Variants in NEB observed in about 807,000 individuals in gnomAD.
NEB encodes the protein nebulin.
Under a neutral mutation model 952.2 loss-of-function variants are expected in NEB, and 512 were observed. The observed-to-expected ratio is 0.54, with a 90% confidence interval of 0.50 to 0.58. The LOEUF (loss-of-function observed/expected upper bound fraction) is 0.58. NEB is among the 20% of genes least tolerant of loss of function. The probability of loss-of-function intolerance (pLI) is 0.00; values close to 1 mark genes in which losing one functional copy is unlikely to be tolerated. For missense variants in NEB, 8,428 were observed against 9,231.1 expected (o/e 0.91, Z 3.56); for synonymous variants, 2,900 against 3,149.8 (o/e 0.92, Z 2.66).
intron 161 of NEB, 69 bp from the exon 162 acceptor site, chr2:151,508,178 AG>A: frequency 9.6e-7 from 1 of 1,040,698 alleles, no homozygotes; most frequent in Non-Finnish European, 1.4e-6. Flanking sequence ...GACCTAAAAT[AG>A]GCTATTTTAG....
At chr2:151,671,344 TCTGA>T (rs2099286715) in intron 37 of NEB, 115 bp from the exon 38 acceptor site, 2 of 812,614 alleles carry the variant, frequency 2.5e-6, no homozygotes, top group Non-Finnish European at 3.9e-6. Flanking sequence ...CATGCTCATG[TCTGA>T]CTGTCTGTCA....
intron 48 of NEB, among the ~76,000 whole-genome samples, chr2:151,657,749 T>G (rs2154153456): frequency 6.6e-6 from 1 of 152,124 alleles, no homozygotes; most frequent in East Asian, 1.9e-4. Flanking sequence ...TCAAAGTAAG[T>G]TTATCTAGAT....
chr2:151,667,440 G>A (rs932916896), intron 40 of NEB, among the ~76,000 whole-genome samples: 8 of 152,070 alleles, frequency 5.3e-5, no homozygotes, highest in South Asian at 4.2e-4. Flanking sequence ...TATAAATAAC[G>A]TAATTGGCAA....
At chr2:151,517,876 A>G (rs2078859689) in intron 156 of NEB, among the ~76,000 whole-genome samples, 1 of 152,244 alleles carries the variant, frequency 6.6e-6, no homozygotes, top group South Asian at 2.1e-4. Flanking sequence ...GACCAAAAAC[A>G]TCATGCGGTA....
chr2:151,534,458 A>C (rs2092650697), intron 142 of NEB: 2 of 690,280 alleles, frequency 2.9e-6, no homozygotes, highest in South Asian at 1.8e-5. Flanking sequence ...CAATAAAAAC[A>C]GGGAAGCAAA....
At chr2:151,696,838 A>T in intron 16 of NEB, 103 bp from the exon 17 acceptor site, 2 of 779,490 alleles carry the variant, frequency 2.6e-6, no homozygotes, top group Non-Finnish European at 4.2e-6. Context: ...AAGCAATGAA[A>T]CTTGTAGTTA....
rs952997359 is a variant in NEB, at chr2:151,505,051, T to C, written c.23742+427A>G. On this transcript the variant is annotated intron_variant, in intron 165 of 181. Coordinates refer to ENST00000397345, the MANE Select transcript of NEB (RefSeq NM_001164508.2). ...ATCCTATCATTCATATGATGTGTCA[T>C]ACATACACACACACATGTTTTATAT... 3.9e-5 allele frequency among the ~76,000 whole-genome samples: 6 copies of C among 152,170 alleles called. No homozygotes were observed. The South Asian group carries it at 8.3e-4, about 21-fold the overall frequency.
intron 168 of NEB, among the ~76,000 whole-genome samples, chr2:151,500,332 C>CCAT (rs1217081325): frequency 6.6e-6 from 1 of 152,000 alleles, no homozygotes; most frequent in Admixed American, 6.6e-5. Context: ...AGAAAAAAAT[C>CCAT]CATCTAAATT....
In NEB at chr2:151,563,925, C is replaced by G. The variant is rs1401069525; in HGVS notation, c.18477G>C (p.Leu6159=). 1.9e-6 allele frequency: 3 copies of G among 1,603,136 alleles called. No homozygotes were observed. In the East Asian group the frequency reaches 6.8e-5, roughly 36 times the overall value. Reference sequence around the variant, plus strand: ...TGGTGCCCTCCCACGCCCCTTTATACAGTATCTAGAACAAAGAAATACATG... The same window carrying G: ...TGGTGCCCTCCCACGCCCCTTTATAGAGTATCTAGAACAAAGAAATACATG... ...KDMGKLYSTI[L]YKGAWEGTKA... is the part of the protein sequence containing the mutation. The change falls in exon 118 of 182, where the codon CTG becomes CTC. Residue 6159 remains leucine, a synonymous_variant. Transcript: ENST00000397345.
chr2:151,721,467 C>T (rs1350326633), intron 9 of NEB, among the ~76,000 whole-genome samples: 1 of 152,194 alleles, frequency 6.6e-6, no homozygotes, highest in Non-Finnish European at 1.5e-5. Context: ...TCCCTCTACT[C>T]AAAATGCCTT....
chr2:151,497,588 A>G lies in NEB; in HGVS notation c.24300+38T>C, dbSNP rs775582829. ...TTAAATCATGAAAGTTTTCAAAATC[A>G]TTAAATAAGTAGTTTTTTTCTTTTC... On this transcript the variant is annotated intron_variant, in intron 171 of 181. Transcript: ENST00000397345. The G allele has an allele frequency of 8.4e-6, 13 of 1,542,222 alleles. No individual in the cohort carries two copies. In the South Asian group the frequency reaches 1.2e-4, roughly 14 times the overall value.
chr2:151,614,344 C>G lies in NEB; in HGVS notation c.11533G>C (p.Glu3845Gln), dbSNP rs755390933. ...SDIDYKHPLH[E>Q]WTCLPDQNDV... ...TTCTGATCAGGCAGGCAGGTCCATT[C>G]ATGCAGGGGATGCTTGTAGTCTATG... The change falls in exon 77 of 182, where the codon GAA becomes CAA. Residue 3845 changes from glutamate (E) to glutamine (Q), a missense_variant. Transcript: ENST00000397345. 6.8e-6 allele frequency: 11 copies of G among 1,613,816 alleles called. No individual in the cohort carries two copies. In the East Asian group the frequency reaches 1.3e-4, roughly 20 times the overall value.
rs201529683 is a variant in NEB at position 151,563,914 on chromosome 2, G to A, written c.18488C>T (p.Ala6163Val). ...GCCATAGGCCTTGGTGCCCTCCCAC[G>A]CCCCTTTATACAGTATCTAGAACAA... The part of the protein sequence containing the change: ...KLYSTILYKG[A>V]WEGTKAYGYT... Residue 6163 changes from alanine to valine, a missense_variant, in exon 118 of 182, where the codon GCG becomes GTG. Ala to Val is a moderately conservative substitution (Grantham distance 64). This residue lies in a region of NEB where 3,374 missense variants were observed against 3,651.5 expected (regional missense o/e 0.92). Coordinates refer to ENST00000397345, the MANE Select transcript of NEB (RefSeq NM_001164508.2). 169 of 1,608,072 alleles carry A rather than the reference G, an allele frequency of 1.1e-4. No homozygotes were observed. The highest frequency in any genetic ancestry group is 5.6e-4 in the East Asian group (25 of 44,596).
At chr2:151,668,872 C>T (rs554075543) in intron 39 of NEB, among the ~76,000 whole-genome samples, 155 bp downstream of exon 39, 6 of 152,052 alleles carry the variant, frequency 3.9e-5, no homozygotes, top group Admixed American at 3.3e-4. Context: ...ATTTTATTGC[C>T]GCCCCCTAGG....
chr2:151,490,668 T>C, intron 179 of NEB, 150 bp from the exon 180 acceptor site: 1 of 978,072 alleles, frequency 1.0e-6, no homozygotes, highest in Non-Finnish European at 1.5e-6. Context: ...GTTATTCTGA[T>C]GTAGGTTTGT....
chr2:151,653,437 T>C (rs142820583), intron 52 of NEB, among the ~76,000 whole-genome samples: 24 of 152,282 alleles, frequency 1.6e-4, no homozygotes, highest in Admixed American at 7.2e-4. Context: ...GAACTTTAGA[T>C]TGGATTTTCA....
Position 151,632,631 on chromosome 2 carries a change from G to A in NEB, c.9414+1023C>T, listed in dbSNP as rs191051682. Among the ~76,000 whole-genome samples, 508 of 147,962 alleles carry A rather than the reference G, an allele frequency of 3.4e-3. 4 individuals carry two copies. Among genetic ancestry groups the A allele is most frequent in the African/African-American group, 0.012 (467 of 39,888 alleles). Reference sequence around the variant, plus strand: ...GCGAAGGTTGCAGTAATCCGAGATCGCGCCACTGCACTCCAGCCTGGGCGA... The same window carrying A: ...GCGAAGGTTGCAGTAATCCGAGATCACGCCACTGCACTCCAGCCTGGGCGA... On this transcript the variant is annotated intron_variant, in intron 65 of 181. Coordinates refer to ENST00000397345, the MANE Select transcript of NEB (RefSeq NM_001164508.2).
At chr2:151,569,454 T>TA in intron 109 of NEB, 82 bp from the exon 110 acceptor site, 1 of 1,058,714 alleles carries the variant, frequency 9.4e-7, no homozygotes, top group Admixed American at 1.7e-5. Flanking sequence ...CATGAAGAAA[T>TA]ACAATGTAAA....
chr2:151,662,400 G>A (rs1558965275), intron 45 of NEB, 59 bp from the exon 46 acceptor site: 4 of 1,397,822 alleles, frequency 2.9e-6, no homozygotes, highest in East Asian at 2.3e-5. Flanking sequence ...AGAATCCTAA[G>A]TGTGTGTTTA....
Sources: gnomAD v4.1 joint callset for allele counts (sites outside exome capture counted in the v4.1 genomes callset) on GRCh38, gnomAD v4.1.1 for gene constraint, gnomAD v4.1.1 regional missense constraint, MANE v1.5 for transcripts, NCBI Gene and HGNC (gene_info 2026-07-23, HGNC 2026-07-21) for gene names.